Variants in NSUN6 observed in about 807,000 individuals in gnomAD.
The protein encoded by NSUN6 is NOP2/Sun RNA methyltransferase 6, also known as tRNA (cytosine(72)-C(5))-methyltransferase NSUN6.
NSUN6 carries 64 observed loss-of-function variants against 58.0 expected under a neutral mutation model. The observed-to-expected ratio is 1.10, with a 90% confidence interval of 0.90 to 1.36. The LOEUF (loss-of-function observed/expected upper bound fraction) is 1.36. Among genes scored for constraint, NSUN6 ranks in the 40% most tolerant of loss-of-function variants. The probability of loss-of-function intolerance (pLI) is 0.00; values close to 1 mark genes in which losing one functional copy is unlikely to be tolerated. For synonymous variants in NSUN6, 231 were observed against 193.9 expected (o/e 1.19, Z -1.59); for missense variants, 701 against 550.1 (o/e 1.27, Z -2.74).
intron 3 of NSUN6, among the ~76,000 whole-genome samples, chr10:18,635,737 C>G (rs899136589): frequency 1.3e-5 from 2 of 151,582 alleles, no homozygotes; most frequent in Non-Finnish European, 2.9e-5. Flanking sequence ...ACTCGGGAGG[C>G]TGAGGCAGGA....
chr10:18,612,871 G>A (rs1466835903), intron 5 of NSUN6, among the ~76,000 whole-genome samples: 3 of 152,084 alleles, frequency 2.0e-5, no homozygotes, highest in African/African-American at 4.8e-5. Flanking sequence ...ATCTGCCTCC[G>A]TGAATCTATG....
intron 6 of NSUN6, among the ~76,000 whole-genome samples, chr10:18,603,966 G>T (rs903740979): frequency 1.3e-5 from 2 of 151,956 alleles, no homozygotes; most frequent in Admixed American, 6.6e-5. Flanking sequence ...GGCAGATCAC[G>T]AAGTCAAGAG....
At position 18,551,092 on chromosome 10, in the gene NSUN6, C is replaced by T. The variant is rs987193970; in HGVS notation, c.1071+731G>A. 4.6e-5 allele frequency among the ~76,000 whole-genome samples: 7 copies of T among 152,186 alleles called. No homozygotes were observed. In the East Asian group the frequency reaches 9.7e-4, roughly 21 times the overall value. ...TCTAATTCTTTACATCAATTAGTAACTACAAGTTAACAACTCAGTGACTTT... is the reference window on the plus strand; with the variant it reads ...TCTAATTCTTTACATCAATTAGTAATTACAAGTTAACAACTCAGTGACTTT... On this transcript the variant is annotated intron_variant, in intron 9 of 10. Coordinates refer to ENST00000377304, the MANE Select transcript of NSUN6 (RefSeq NM_182543.5).
At chr10:18,621,589 T>G (rs1381685870) in intron 3 of NSUN6, among the ~76,000 whole-genome samples, 1 of 152,200 alleles carries the variant, frequency 6.6e-6, no homozygotes, top group Non-Finnish European at 1.5e-5. Context: ...GCTAAAAGCT[T>G]GATTTTTATT....
chr10:18,581,833 A>G (rs1212156308), intron 8 of NSUN6, among the ~76,000 whole-genome samples: 1 of 152,080 alleles, frequency 6.6e-6, no homozygotes. Context: ...TCAAAAAAAA[A>G]AAAAAGGGAA....
intron 3 of NSUN6, among the ~76,000 whole-genome samples, chr10:18,637,657 C>CA (rs1184344489): frequency 6.6e-6 from 1 of 152,130 alleles, no homozygotes; most frequent in African/African-American, 2.4e-5. Flanking sequence ...CATGCTTATG[C>CA]AAGTCCACAA....
At chr10:18,651,883 G>C, upstream of NSUN6, 1 of 985,446 alleles carries the variant, frequency 1.0e-6, no homozygotes, top group Non-Finnish European at 1.2e-6. Flanking sequence ...AATGGCGTGG[G>C]TTGAGTGGAA....
intron 2 of NSUN6, among the ~76,000 whole-genome samples, chr10:18,643,606 G>C (rs918559404): frequency 6.6e-6 from 1 of 152,110 alleles, no homozygotes; most frequent in African/African-American, 2.4e-5. Flanking sequence ...TTCTTCCAAA[G>C]GGTCTAGTTA....
At chr10:18,557,498 G>T (rs1295285925) in intron 8 of NSUN6, among the ~76,000 whole-genome samples, 1 of 151,606 alleles carries the variant, frequency 6.6e-6, no homozygotes, top group Non-Finnish European at 1.5e-5. Context: ...GCATGGAATG[G>T]AATGGAGAAT....
At chr10:18,625,351 G>A (rs1360298822) in intron 3 of NSUN6, among the ~76,000 whole-genome samples, 1 of 152,086 alleles carries the variant, frequency 6.6e-6, no homozygotes, top group Admixed American at 6.6e-5. Flanking sequence ...AAATGTAAGA[G>A]AAAAATATTC....
At chr10:18,631,192 A>G (rs1430943937) in intron 3 of NSUN6, among the ~76,000 whole-genome samples, 3 of 152,140 alleles carry the variant, frequency 2.0e-5, no homozygotes, top group Non-Finnish European at 4.4e-5. Context: ...GGCCTTTGAC[A>G]AAATTCAATA....
intron 3 of NSUN6, among the ~76,000 whole-genome samples, chr10:18,629,778 G>A (rs1054718530): frequency 6.9e-6 from 1 of 145,392 alleles, no homozygotes; most frequent in African/African-American, 2.5e-5. Flanking sequence ...CCTACAAAGA[G>A]ACTTAGACTC....
intron 8 of NSUN6, among the ~76,000 whole-genome samples, chr10:18,570,714 C>T (rs1240550920): frequency 6.7e-6 from 1 of 149,790 alleles, no homozygotes; most frequent in Non-Finnish European, 1.5e-5. Flanking sequence ...TTCTCTATTC[C>T]ATTCCATTCT....
At chr10:18,575,925 A>C (rs2056625608) in intron 8 of NSUN6, among the ~76,000 whole-genome samples, 1 of 152,086 alleles carries the variant, frequency 6.6e-6, no homozygotes, top group Non-Finnish European at 1.5e-5. Flanking sequence ...GGGTGCATCA[A>C]GATCAGCCTG....
At chr10:18,621,162 G>A (rs747132569) in intron 3 of NSUN6, among the ~76,000 whole-genome samples, 1 of 152,152 alleles carries the variant, frequency 6.6e-6, no homozygotes, top group Non-Finnish European at 1.5e-5. Context: ...CAGAATGTGG[G>A]TATGTACCAG....
chr10:18,575,784 C>T (rs895009788), intron 8 of NSUN6, among the ~76,000 whole-genome samples: 1 of 152,210 alleles, frequency 6.6e-6, no homozygotes, highest in Non-Finnish European at 1.5e-5. Context: ...CTTATTTACA[C>T]TCCGCTGCTG....
At chr10:18,623,807 G>C (rs143821816) in intron 3 of NSUN6, among the ~76,000 whole-genome samples, 3 of 152,176 alleles carry the variant, frequency 2.0e-5, no homozygotes, top group Non-Finnish European at 4.4e-5. Context: ...TGGAAAAAAG[G>C]TATGAGCTAA....
chr10:18,651,210 T>C lies in NSUN6; in HGVS notation c.-7A>G. Reference sequence around the variant, plus strand: ...TCTTAGGGAAAATAGACATTTTTCCTGTTGTTTAGTTCTCCACCAAGAGAA... The same window carrying C: ...TCTTAGGGAAAATAGACATTTTTCCCGTTGTTTAGTTCTCCACCAAGAGAA... On this transcript the variant is annotated 5_prime_UTR_variant, in exon 1 of 11. Transcript: ENST00000377304. 1 of 1,556,682 alleles carries C rather than the reference T, an allele frequency of 6.4e-7. No individual in the cohort carries two copies. Among genetic ancestry groups the C allele is most frequent in the Non-Finnish European group, 8.6e-7 (1 of 1,160,976 alleles).
chr10:18,646,704 G>A (rs1027256416), intron 2 of NSUN6, among the ~76,000 whole-genome samples: 3 of 152,126 alleles, frequency 2.0e-5, no homozygotes, highest in Non-Finnish European at 4.4e-5. Context: ...TGTAGCAGGC[G>A]TCTGTAGTCC....
Sources: gnomAD v4.1 joint callset for allele counts (sites outside exome capture counted in the v4.1 genomes callset) on GRCh38, gnomAD v4.1.1 for gene constraint, MANE v1.5 for transcripts, NCBI Gene and HGNC (gene_info 2026-07-23, HGNC 2026-07-21) for gene names.